The following DGKB variants were observed in gnomAD, a reference collection of about 807,000 sequenced individuals.
The protein encoded by DGKB is diacylglycerol kinase beta.
Under a neutral mutation model 114.3 loss-of-function variants are expected in DGKB, and 67 were observed. The ratio of observed to expected loss-of-function variants is 0.59; its 90% CI spans 0.48 to 0.72. The LOEUF (loss-of-function observed/expected upper bound fraction) is 0.72, where lower values mean the gene tolerates loss of function less well. Ranked by LOEUF, DGKB falls within the 30% of genes least tolerant of loss-of-function variation. The pLI is 0.00. For synonymous variants in DGKB, 398 were observed against 323.1 expected (o/e 1.23, Z -2.49); for missense variants, 907 against 975.2 (o/e 0.93, Z 0.93).
chr7:14,626,917 C>A (rs948590655), intron 14 of DGKB, among the ~76,000 whole-genome samples: 2 of 152,038 alleles, frequency 1.3e-5, no homozygotes, highest in Non-Finnish European at 2.9e-5. Flanking sequence ...AGCCAAATTG[C>A]AGCTTTGTCT....
intron 23 of DGKB, among the ~76,000 whole-genome samples, chr7:14,333,771 A>C (rs1056931168): frequency 1.3e-5 from 2 of 152,226 alleles, no homozygotes; most frequent in African/African-American, 4.8e-5. Context: ...TGGTTAAAAA[A>C]TACCTTTCAA....
At chr7:14,549,457 AC>A (rs147611834) in intron 20 of DGKB, among the ~76,000 whole-genome samples, 2,902 of 152,136 alleles carry the variant, frequency 0.019, 38 homozygotes, top group Middle Eastern at 0.027. Flanking sequence ...TCACCAAATA[AC>A]CTATATAGTT....
intron 6 of DGKB, among the ~76,000 whole-genome samples, chr7:14,702,313 T>C (rs1183062981): frequency 1.3e-5 from 2 of 152,016 alleles, no homozygotes; most frequent in Non-Finnish European, 2.9e-5. Context: ...CCCCAAGCAG[T>C]ATGGGCGAGG....
intron 21 of DGKB, among the ~76,000 whole-genome samples, chr7:14,355,309 A>G (rs1228136098): frequency 6.6e-6 from 1 of 152,124 alleles, no homozygotes; most frequent in Non-Finnish European, 1.5e-5. Flanking sequence ...AACTTCCAAC[A>G]CTATGTTGAA....
intron 1 of DGKB, among the ~76,000 whole-genome samples, chr7:14,928,470 T>C (rs1784850632): frequency 6.6e-6 from 1 of 151,916 alleles, no homozygotes. Flanking sequence ...CTCTGTTCTT[T>C]CACAAATAAA....
chr7:14,276,102 G>A lies in DGKB; in HGVS notation c.2122+62413C>T, dbSNP rs769510900. 3.9e-5 allele frequency among the ~76,000 whole-genome samples: 6 copies of A among 152,256 alleles called. No homozygotes were observed. The South Asian group carries it at 6.2e-4, about 16-fold the overall frequency. On this transcript the variant is annotated intron_variant, in intron 23 of 25. Transcript: ENST00000402815. ...GGTACAAAGTTCATATCACTATGAGGCAAATCACTGAAGCTTTATTCTCAA... is the reference window on the plus strand; with the variant it reads ...GGTACAAAGTTCATATCACTATGAGACAAATCACTGAAGCTTTATTCTCAA...
At position 14,433,152 on chromosome 7, in the gene DGKB, T is replaced by C. The variant is rs116761210; in HGVS notation, c.1835+45009A>G. 6.7e-3 allele frequency among the ~76,000 whole-genome samples: 1,023 copies of C among 152,270 alleles called. 15 individuals carry two copies. Among genetic ancestry groups the C allele is most frequent in the African/African-American group, 0.023 (974 of 41,574 alleles). On this transcript the variant is annotated intron_variant, in intron 21 of 25. Coordinates refer to ENST00000402815, the MANE Select transcript of DGKB (RefSeq NM_001350709.2). ...TCTCCCTGGGAGCACGTCGTATCTA[T>C]TGACTGGCTAGCAGGAAGATAAAAG...
chr7:14,329,774 C>CT (rs1470105339), intron 23 of DGKB, among the ~76,000 whole-genome samples: 4 of 151,938 alleles, frequency 2.6e-5, no homozygotes, highest in African/African-American at 9.7e-5. Context: ...TATCTGGAAA[C>CT]TTTATGTGTC....
intron 20 of DGKB, among the ~76,000 whole-genome samples, chr7:14,542,824 A>G (rs902122365): frequency 6.6e-6 from 1 of 152,174 alleles, no homozygotes; most frequent in African/African-American, 2.4e-5. Flanking sequence ...TTGTTACTCA[A>G]ATAAAATGCC....
chr7:14,651,061 C>A (rs1238757355), intron 13 of DGKB, among the ~76,000 whole-genome samples: 2 of 152,102 alleles, frequency 1.3e-5, no homozygotes, highest in Admixed American at 1.3e-4. Flanking sequence ...CGAATTCTAC[C>A]AGAGGTACAA....
intron 1 of DGKB, among the ~76,000 whole-genome samples, chr7:14,926,709 T>C (rs1323687665): frequency 2.0e-5 from 3 of 151,966 alleles, no homozygotes; most frequent in African/African-American, 7.2e-5. Flanking sequence ...AAGTATTTTA[T>C]ATTTTATTTC....
At chr7:14,846,507 T>C (rs1459103319) in intron 1 of DGKB, among the ~76,000 whole-genome samples, 1 of 152,182 alleles carries the variant, frequency 6.6e-6, no homozygotes, top group Non-Finnish European at 1.5e-5. Flanking sequence ...CAGAAGGTAA[T>C]GAAAATGATG....
intron 23 of DGKB, among the ~76,000 whole-genome samples, chr7:14,318,741 G>T (rs1562924650): frequency 6.6e-6 from 1 of 152,074 alleles, no homozygotes; most frequent in Non-Finnish European, 1.5e-5. Context: ...ATTCCTCAGG[G>T]ATCTAGAACT....
intron 21 of DGKB, among the ~76,000 whole-genome samples, chr7:14,411,599 G>A (rs1464083835): frequency 6.6e-6 from 1 of 152,074 alleles, no homozygotes. Flanking sequence ...TACTCCATGA[G>A]TTTTAGCTTA....
At chr7:14,673,724 G>A (rs369838095) in intron 12 of DGKB, among the ~76,000 whole-genome samples, 1 of 151,862 alleles carries the variant, frequency 6.6e-6, no homozygotes, top group African/African-American at 2.4e-5. Flanking sequence ...GTGTTACAAC[G>A]TGGTGTTTTA....
intron 21 of DGKB, among the ~76,000 whole-genome samples, chr7:14,408,437 C>T (rs1824309668): frequency 6.6e-6 from 1 of 151,968 alleles, no homozygotes; most frequent in Non-Finnish European, 1.5e-5. Context: ...TAAGACAAAG[C>T]AATCATTTTC....
At chr7:14,413,780 A>T (rs1825272682) in intron 21 of DGKB, among the ~76,000 whole-genome samples, 1 of 152,190 alleles carries the variant, frequency 6.6e-6, no homozygotes, top group African/African-American at 2.4e-5. Flanking sequence ...TGTAGACAGT[A>T]TTGGATCAGA....
chr7:14,628,344 C>G (rs1311452065), intron 14 of DGKB, among the ~76,000 whole-genome samples: 1 of 125,724 alleles, frequency 8.0e-6, no homozygotes, highest in African/African-American at 2.8e-5. Flanking sequence ...GAGGAGTGGT[C>G]AAGTTAAGTT....
At chr7:14,492,444 G>C (rs1453764930) in intron 20 of DGKB, among the ~76,000 whole-genome samples, 1 of 151,960 alleles carries the variant, frequency 6.6e-6, no homozygotes, top group Non-Finnish European at 1.5e-5. Context: ...ATTTGCTCAT[G>C]TTTTTCCAAC....
Sources: gnomAD v4.1 joint callset for allele counts (sites outside exome capture counted in the v4.1 genomes callset) on GRCh38, gnomAD v4.1.1 for gene constraint, MANE v1.5 for transcripts, NCBI Gene and HGNC (gene_info 2026-07-23, HGNC 2026-07-21) for gene names.